The following DNAAF9 variants were observed in gnomAD, a reference collection of about 807,000 sequenced individuals.
DNAAF9 encodes the protein shulin.
A neutral mutation model predicts 167.0 loss-of-function variants in DNAAF9; 90 were observed. That is an observed-to-expected ratio of 0.54 (90% CI 0.45 to 0.64). The LOEUF is 0.64. Among genes scored for constraint, DNAAF9 ranks in the 30% least tolerant of loss-of-function variants. DNAAF9 has a pLI of 0.00. For synonymous variants in DNAAF9, 491 were observed against 508.8 expected (o/e 0.96, Z 0.47); for missense variants, 1,315 against 1,442.2 (o/e 0.91, Z 1.43).
rs1018414873 is a variant in DNAAF9 at position 3,337,446 on chromosome 20, T to TG, written c.981+3057_981+3058insC. 3.3e-5 allele frequency among the ~76,000 whole-genome samples: 5 copies of TG among 150,588 alleles called. No homozygotes were observed. The East Asian group carries it at 5.8e-4, about 18-fold the overall frequency. ...GCCCAGGTTCTTTTTTTTTGTTTTT[T>TG]TTTTTTTTGGTATTTTTAGTAGAGA... On this transcript the variant is annotated intron_variant, in intron 10 of 36. Coordinates refer to ENST00000252032, the MANE Select transcript of DNAAF9 (RefSeq NM_001009984.3).
chr20:3,361,200 C>T (rs999245932), intron 6 of DNAAF9, among the ~76,000 whole-genome samples: 6 of 151,994 alleles, frequency 3.9e-5, no homozygotes, highest in Non-Finnish European at 8.8e-5. Flanking sequence ...CAGCACCCCT[C>T]GATAAAGGTG....
chr20:3,300,877 G>A (rs1295993389), intron 21 of DNAAF9, among the ~76,000 whole-genome samples: 2 of 144,416 alleles, frequency 1.4e-5, no homozygotes, highest in African/African-American at 5.2e-5. Context: ...TTATCAGATT[G>A]TTCATTGGTA....
Position 3,337,440 on chromosome 20 carries a change from G to GTTTT in DNAAF9, c.981+3060_981+3063dup, listed in dbSNP as rs55881467. On this transcript the variant is annotated intron_variant, in intron 10 of 36. Transcript: ENST00000252032. Reference sequence around the variant, plus strand: ...CACCACGCCCAGGTTCTTTTTTTTTGTTTTTTTTTTTTTTGGTATTTTTAG... The same window carrying GTTTT: ...CACCACGCCCAGGTTCTTTTTTTTTGTTTTTTTTTTTTTTTTTTGGTATTTTTAG... Among the ~76,000 whole-genome samples the GTTTT allele has an allele frequency of 3.6e-3, 479 of 134,248 alleles. 6 individuals are homozygous for GTTTT. The highest frequency in any genetic ancestry group is 0.016 in the Middle Eastern group (4 of 246). The allele number at this position is 134,248 out of a possible 152,430, so 88.1% of individuals were successfully genotyped here.
chr20:3,349,480 G>T (rs2070272112), intron 7 of DNAAF9, among the ~76,000 whole-genome samples: 1 of 152,176 alleles, frequency 6.6e-6, no homozygotes, highest in African/African-American at 2.4e-5. Context: ...ATGGTACCAT[G>T]TCCAGTGCCA....
chr20:3,308,264 G>A (rs1023055593), intron 20 of DNAAF9, among the ~76,000 whole-genome samples: 5 of 150,666 alleles, frequency 3.3e-5, no homozygotes, highest in African/African-American at 9.8e-5. Flanking sequence ...CTGACATTCT[G>A]TTCCTGAATG....
At chr20:3,255,961 G>T in intron 34 of DNAAF9, 45 bp downstream of exon 34, 1 of 1,468,208 alleles carries the variant, frequency 6.8e-7, no homozygotes, top group Non-Finnish European at 9.5e-7. Flanking sequence ...GCTCTGAGGT[G>T]TCTGGTCACA....
chr20:3,285,809 T>A (rs1416192258), intron 27 of DNAAF9, among the ~76,000 whole-genome samples: 2 of 150,136 alleles, frequency 1.3e-5, no homozygotes, highest in Non-Finnish European at 3.0e-5. Flanking sequence ...TGAAATCTGA[T>A]CTCTACTAAA....
chr20:3,284,173 C>CTTTTT lies in DNAAF9; in HGVS notation c.2487-2412_2487-2408dup, dbSNP rs200633758. Among the ~76,000 whole-genome samples the CTTTTT allele has an allele frequency of 1.1e-3, 129 of 118,222 alleles. 1 individual carries two copies. Among genetic ancestry groups the CTTTTT allele is most frequent in the African/African-American group, 3.5e-3 (116 of 33,198 alleles). 77.6% of individuals were successfully genotyped at this position (118,222 alleles called of 152,430 possible). On this transcript the variant is annotated intron_variant, in intron 27 of 36. Coordinates refer to ENST00000252032, the MANE Select transcript of DNAAF9 (RefSeq NM_001009984.3). ...AGCACCACGCTCAAGTTACTAGAGTCTTTTTTTTTTTTTTTTTTTTTTTTT... is the reference window on the plus strand; with the variant it reads ...AGCACCACGCTCAAGTTACTAGAGTCTTTTTTTTTTTTTTTTTTTTTTTTTTTTTT...
At chr20:3,307,036 T>C in intron 20 of DNAAF9, 3 of 985,392 alleles carry the variant, frequency 3.0e-6, no homozygotes, top group South Asian at 4.7e-5. Flanking sequence ...CCAGTGCCAC[T>C]TGAAAGGCCT....
chr20:3,287,614 G>C lies in DNAAF9; in HGVS notation c.2486+18C>G. 3 of 1,613,364 alleles carry C rather than the reference G, an allele frequency of 1.9e-6. No individual in the cohort carries two copies. Among genetic ancestry groups the C allele is most frequent in the South Asian group, 2.2e-5 (2 of 91,046 alleles). ...ATCACCCTGATTCGACTGTTTCCAG[G>C]AGACTTCCAATGCTCACCCTTGTAA... On this transcript the variant is annotated intron_variant, in intron 27 of 36. Transcript: ENST00000252032.
rs1375850779 is a variant in DNAAF9, at chr20:3,326,237, G to A, written c.1148C>T (p.Ala383Val). Reference protein sequence around the residue: ...IYAAVIEAVLAGIACYAKTSS... With the variant: ...IYAAVIEAVLVGIACYAKTSS... ...AGTTTTAGCATAACATGCAATGCCA[G>A]CCAAAACAGCCTCAATAACAGCAGC... Residue 383 changes from alanine to valine, a missense_variant, in exon 13 of 37, where the codon GCT becomes GTT. Around this residue, in one of 2 missense-constraint regions of DNAAF9, gnomAD observed 981 missense variants for 1,012.5 expected, o/e 0.97. Transcript: ENST00000252032. 9 of 1,613,362 alleles carry A rather than the reference G, an allele frequency of 5.6e-6. No individual in the cohort carries two copies. Among genetic ancestry groups the A allele is most frequent in the Admixed American group, 3.3e-5 (2 of 59,986 alleles).
chr20:3,293,406 C>T (rs184588324), intron 25 of DNAAF9, among the ~76,000 whole-genome samples: 34 of 148,482 alleles, frequency 2.3e-4, no homozygotes, highest in Admixed American at 8.8e-4. Flanking sequence ...CTCTGGGGGC[C>T]GGGCACAGTG....
At chr20:3,317,188 C>G (rs956579165) in intron 17 of DNAAF9, among the ~76,000 whole-genome samples, 11 of 151,462 alleles carry the variant, frequency 7.3e-5, no homozygotes, top group African/African-American at 2.4e-4. Flanking sequence ...ATGGCAAAAC[C>G]CCGTCTCTAC....
At chr20:3,343,838 A>AGCGTGTGTGTGTGTGTGTGT in intron 8 of DNAAF9, 107 bp from the exon 9 acceptor site, 1 of 774,434 alleles carries the variant, frequency 1.3e-6, no homozygotes, top group Non-Finnish European at 2.2e-6. Context: ...GAGAGTGCAC[A>AGCGTGTGTGTGTGTGTGTGT]GCGTGTGTGT....
chr20:3,294,437 A>C lies in DNAAF9; in HGVS notation c.2120+91T>G, dbSNP rs2069026629. ...TTTACAGTGATCTCTAAGAAACTAC[A>C]AGAAAAAGGAGCTTAAAAGGACCAA... On this transcript the variant is annotated intron_variant, in intron 24 of 36. Transcript: ENST00000252032. 3.3e-6 allele frequency: 3 copies of C among 896,136 alleles called. No homozygotes were observed. The East Asian group carries it at 7.3e-5, about 22-fold the overall frequency. The allele number at this position is 896,136 out of a possible 1,614,324, so 55.5% of individuals were successfully genotyped here. A position where few individuals can be genotyped will look rare whatever the true frequency, so the allele number is the denominator to read the frequency against.
rs368947015 is a variant in DNAAF9 at position 3,316,805 on chromosome 20, C to T, written c.1469-12G>A. 16 of 1,607,938 alleles carry T rather than the reference C, an allele frequency of 1.0e-5. No homozygotes were observed. In the African/African-American group the frequency reaches 1.7e-4, roughly 17 times the overall value. On this transcript the variant is annotated splice_polypyrimidine_tract_variant and intron_variant, in intron 17 of 36. Coordinates refer to ENST00000252032, the MANE Select transcript of DNAAF9 (RefSeq NM_001009984.3). ...GGTAACAGTGCCATCTGCAGGAACA[C>T]CACACACATGCCAGTTAATTCCCTA...
intron 30 of DNAAF9, among the ~76,000 whole-genome samples, chr20:3,268,895 TAC>T (rs2068536251): frequency 3.6e-5 from 5 of 139,192 alleles, no homozygotes; most frequent in Non-Finnish European, 6.1e-5. Context: ...ATCTCTATGT[TAC>T]TTTTTTTTTT....
intron 31 of DNAAF9, among the ~76,000 whole-genome samples, chr20:3,261,233 C>G (rs2068380602): frequency 6.7e-6 from 1 of 149,302 alleles, no homozygotes; most frequent in Non-Finnish European, 1.5e-5. Flanking sequence ...GACAAGGTCT[C>G]ACTATGCTGC....
intron 25 of DNAAF9, among the ~76,000 whole-genome samples, chr20:3,292,452 T>A (rs1263815398): frequency 6.6e-6 from 1 of 152,196 alleles, no homozygotes; most frequent in Non-Finnish European, 1.5e-5. Flanking sequence ...GAAATAAATA[T>A]CCTCTTTGAG....
Sources: allele counts gnomAD v4.1 joint callset (sites outside exome capture counted in the v4.1 genomes callset), GRCh38; gene constraint gnomAD v4.1.1; regional missense constraint gnomAD v4.1.1; transcripts MANE v1.5; gene names NCBI Gene and HGNC (gene_info 2026-07-23, HGNC 2026-07-21).